Variants in CABLES2 observed in about 807,000 individuals in gnomAD.
CABLES2 encodes Cdk5 and Abl enzyme substrate 2, also known as CDK5 and ABL1 enzyme substrate 2.
CABLES2 carries 35 observed loss-of-function variants against 44.8 expected under a neutral mutation model. The observed-to-expected ratio is 0.78, with a 90% CI of 0.60 to 1.04. The LOEUF (loss-of-function observed/expected upper bound fraction) is 1.04, where lower values mean the gene tolerates loss of function less well. CABLES2 is among the 50% of genes least tolerant of loss of function. The pLI, the probability that CABLES2 is intolerant of heterozygous loss-of-function variation, is 0.00. For synonymous variants in CABLES2, 282 were observed against 281.1 expected (o/e 1.00, Z -0.03); for missense variants, 566 against 615.7 (o/e 0.92, Z 0.85).
At position 62,396,328 on chromosome 20, in the gene CABLES2, T is replaced by A; in HGVS notation, c.514A>T (p.Thr172Ser). 1 of 1,613,746 alleles carries A rather than the reference T, an allele frequency of 6.2e-7. No homozygotes were observed. The highest frequency in any genetic ancestry group is 8.5e-7 in the Non-Finnish European group (1 of 1,179,858). ...TCCGCTTCATACCTGCTGTTCCTGG[T>A]GTCGTACTGCCTCATGTTCTTGATG... ...HFIKNMRQYD[T>S]RNSRIVLICA... is the part of the protein sequence containing the mutation. The change falls in exon 3 of 10, where the codon ACC becomes TCC. Residue 172 changes from threonine to serine, a missense_variant. Thr to Ser is a moderately conservative substitution (Grantham distance 58, BLOSUM62 1). Coordinates refer to ENST00000279101, the MANE Select transcript of CABLES2 (RefSeq NM_031215.3). The surrounding 1 kb of genome is among the most constrained non-coding windows in gnomAD (Gnocchi z 5.7).
chr20:62,392,823 G>C, intron 7 of CABLES2, 97 bp downstream of exon 7: 1 of 1,095,580 alleles, frequency 9.1e-7, no homozygotes, highest in Non-Finnish European at 1.4e-6. Flanking sequence ...GGCACGTCAC[G>C]CCCCTGGGGC....
In CABLES2 at chr20:62,406,987, G is replaced by A. The variant is rs1331782257; in HGVS notation, c.290C>T (p.Thr97Ile). Residue 97 changes from threonine to isoleucine, a missense_variant, in exon 1 of 10, where the codon ACC becomes ATC. This residue lies in a region of CABLES2 where 436 missense variants were observed against 536.3 expected (regional missense o/e 0.81). Coordinates refer to ENST00000279101, the MANE Select transcript of CABLES2 (RefSeq NM_031215.3). ...GCTGAGCAGGCCCTGGGGCGCGGGG[G>A]TCCTGGCGGGCAGCCCGGTGGGGGG... ...PEPPTGLPAR[T>I]PAPQGLLSPT... 8.3e-5 allele frequency: 100 copies of A among 1,200,070 alleles called. No individual in the cohort carries two copies. Among genetic ancestry groups the A allele is most frequent in the Non-Finnish European group, 9.7e-5 (94 of 967,574 alleles). 74.3% of individuals were successfully genotyped at this position (1,200,070 alleles called of 1,614,324 possible). A position where few individuals can be genotyped will look rare whatever the true frequency, so the allele number is the denominator to read the frequency against.
Position 62,396,589 on chromosome 20 carries a change from C to T in CABLES2, c.366G>A (p.Lys122=), listed in dbSNP as rs1258781994. Residue 122 remains lysine, a synonymous_variant, in exon 2 of 10, where the codon AAG becomes AAA. Transcript: ENST00000279101. The surrounding 1 kb of genome is among the most constrained non-coding windows in gnomAD (Gnocchi z 5.7). The part of the protein sequence containing the change: ...GLGLDGQRQR[K]RVTSQRCSLE... The stretch of plus-strand genomic sequence containing the variant: ...GGGAGCAGCGCTGGGACGTGACTCG[C>T]TTCCTGCAAGATGACAATGGAGCCT... 2 of 1,611,396 alleles carry T rather than the reference C, an allele frequency of 1.2e-6. No homozygotes were observed. The highest frequency in any genetic ancestry group is 1.1e-5 in the South Asian group (1 of 90,736).
chr20:62,392,891 G>T, intron 7 of CABLES2, 29 bp downstream of exon 7: 1 of 1,593,540 alleles, frequency 6.3e-7, no homozygotes, highest in South Asian at 1.1e-5. Context: ...GCAGCTGCCT[G>T]CACCCAGGCC....
Position 62,391,341 on chromosome 20 carries a change from G to C in CABLES2, c.1204C>G (p.Gln402Glu), listed in dbSNP as rs1346027997. The change falls in exon 9 of 10, where the codon CAG (glutamine) becomes GAG (glutamate). Residue 402 changes from glutamine (Q) to glutamate (E), a missense_variant. By Grantham distance (29) the Gln-to-Glu change is conservative (BLOSUM62 2). Coordinates refer to ENST00000279101, the MANE Select transcript of CABLES2 (RefSeq NM_031215.3). This position sits in a 1 kb window ranked among gnomAD's most constrained non-coding sequence, Gnocchi z 5.7. ...KLVLQGKLSK[Q>E]NRKLCAGACV... ...GCGCCAGCGCACAGCTTGCGGTTCT[G>C]TTTGCTGAGCTTGCCCTGCAGGACC... 5 of 1,613,418 alleles carry C rather than the reference G, an allele frequency of 3.1e-6. No individual in the cohort carries two copies. Among genetic ancestry groups the C allele is most frequent in the Non-Finnish European group, 4.2e-6 (5 of 1,180,030 alleles).
intron 4 of CABLES2, 70 bp from the exon 5 acceptor site, chr20:62,394,335 G>T: frequency 7.8e-7 from 1 of 1,280,678 alleles, no homozygotes; most frequent in Non-Finnish European, 1.1e-6. Context: ...CAGCCCACCT[G>T]TCCGCTGGCC....
rs1157892653 is a variant in CABLES2 at position 62,407,257 on chromosome 20, C to CCGGCCG, written c.14_19dup (p.Ala5_Ala6dup). On this transcript the variant is annotated inframe_insertion, in exon 1 of 10. Coordinates refer to ENST00000279101, the MANE Select transcript of CABLES2 (RefSeq NM_031215.3). ...GCCGGGGGCCGGGCCCGGGGCTCCA[C>CCGGCCG]CGGCCGCGGCCGCGGCCATCCTCAG... 23 of 633,688 alleles carry CCGGCCG rather than the reference C, an allele frequency of 3.6e-5. No individual in the cohort carries two copies. The highest frequency in any genetic ancestry group is 7.9e-4 in the Middle Eastern group (1 of 1,270). The allele number at this position is 633,688 out of a possible 1,614,324, so 39.3% of individuals were successfully genotyped here.
Position 62,391,501 on chromosome 20 carries a change from TGA to T in CABLES2, c.1092-50_1092-49del. The T allele has an allele frequency of 6.3e-7, 1 of 1,590,150 alleles. No individual in the cohort carries two copies. The highest frequency in any genetic ancestry group is 1.1e-5 in the South Asian group (1 of 90,510). On this transcript the variant is annotated intron_variant, in intron 8 of 9. Coordinates refer to ENST00000279101, the MANE Select transcript of CABLES2 (RefSeq NM_031215.3). This position sits in a 1 kb window ranked among gnomAD's most constrained non-coding sequence, Gnocchi z 5.7. ...TGTCCCTGGGGGCTCTGGCTGGGGC[TGA>T]GGAGGCAGCCCCCTGCCACCACCAA...
intron 4 of CABLES2, among the ~76,000 whole-genome samples, chr20:62,394,681 AG>A (rs1328392906): frequency 1.3e-5 from 2 of 152,166 alleles, no homozygotes; most frequent in African/African-American, 4.8e-5. Context: ...CTCTGTCCAC[AG>A]GAGGTGGGAC....
intron 1 of CABLES2, 34 bp downstream of exon 1, chr20:62,406,881 C>T (rs1187778369): frequency 1.4e-5 from 16 of 1,139,412 alleles, no homozygotes; most frequent in Non-Finnish European, 1.8e-5. Flanking sequence ...CTGTACCCCG[C>T]GTCCTGGGCT....
chr20:62,407,096 G>A lies in CABLES2; in HGVS notation c.181C>T (p.Pro61Ser), dbSNP rs1988310639. 23 of 1,047,568 alleles carry A rather than the reference G, an allele frequency of 2.2e-5. No homozygotes were observed. The South Asian group carries it at 2.2e-4, about 10-fold the overall frequency. The allele number at this position is 1,047,568 out of a possible 1,614,324, so 64.9% of individuals were successfully genotyped here. A position where few individuals can be genotyped will look rare whatever the true frequency, so the allele number is the denominator to read the frequency against. ...FLNNISLDGR[P>S]PSLGPGGEKP... ...TCTCCGCCCGGGCCCAGGCTCGGGG[G>A]CCGCCCGTCCAGGGAGATGTTGTTG... The change falls in exon 1 of 10, where the codon CCC becomes TCC. Residue 61 changes from proline to serine, a missense_variant. By Grantham distance (74) the Pro-to-Ser change is moderately conservative. Around this residue, in one of 2 missense-constraint regions of CABLES2, gnomAD observed 130 missense variants for 79.4 expected, o/e 1.64. Coordinates refer to ENST00000279101, the MANE Select transcript of CABLES2 (RefSeq NM_031215.3).
chr20:62,391,480 C>T lies in CABLES2; in HGVS notation c.1092-27G>A. The T allele has an allele frequency of 6.2e-7, 1 of 1,607,194 alleles. No homozygotes were observed. The highest frequency in any genetic ancestry group is 8.5e-7 in the Non-Finnish European group (1 of 1,175,140). On this transcript the variant is annotated intron_variant, in intron 8 of 9. Coordinates refer to ENST00000279101, the MANE Select transcript of CABLES2 (RefSeq NM_031215.3). This position sits in a 1 kb window ranked among gnomAD's most constrained non-coding sequence, Gnocchi z 5.7. ...TGTGGGTTAAGACAGAAGCCATGTC[C>T]CTGGGGGCTCTGGCTGGGGCTGAGG... is the stretch of plus-strand genomic sequence containing the variant.
chr20:62,398,184 GTGA>G lies in CABLES2; in HGVS notation c.363-1595_363-1593del, dbSNP rs796314010. On this transcript the variant is annotated intron_variant, in intron 1 of 9. Transcript: ENST00000279101. ...GGTGATGGTGGTAATGGTGGTGGTG[GTGA>G]TGGTGATGATGGTGGTGATGGTGAT... Among the ~76,000 whole-genome samples the G allele has an allele frequency of 3.8e-3, 285 of 74,232 alleles. 7 individuals are homozygous for G. Among genetic ancestry groups the G allele is most frequent in the Non-Finnish European group, 5.2e-3 (174 of 33,480 alleles). 48.7% of individuals were successfully genotyped at this position (74,232 alleles called of 152,430 possible).
intron 1 of CABLES2, among the ~76,000 whole-genome samples, chr20:62,398,131 C>T (rs1292688999): frequency 1.0e-3 from 40 of 39,968 alleles, no homozygotes; most frequent in East Asian, 3.8e-3. Flanking sequence ...GTGGTTATGA[C>T]GGTGGTGATG....
intron 3 of CABLES2, among the ~76,000 whole-genome samples, chr20:62,395,957 T>C (rs956435068): frequency 6.6e-6 from 1 of 152,206 alleles, no homozygotes; most frequent in African/African-American, 2.4e-5. Flanking sequence ...CAGCCTCTCC[T>C]CCGTGCTCCC....
rs759173160 is a variant in CABLES2 at position 62,390,922 on chromosome 20, C to T, written c.*49G>A. On this transcript the variant is annotated 3_prime_UTR_variant, in exon 10 of 10. Coordinates refer to ENST00000279101, the MANE Select transcript of CABLES2 (RefSeq NM_031215.3). Reference sequence around the variant, plus strand: ...CGCGGGGCTTCAGTGGGACACCTCCCAGGCCGGCAAGTGCACCTCGGTGCC... The same window carrying T: ...CGCGGGGCTTCAGTGGGACACCTCCTAGGCCGGCAAGTGCACCTCGGTGCC... 12 of 1,603,518 alleles carry T rather than the reference C, an allele frequency of 7.5e-6. No individual in the cohort carries two copies. The highest frequency in any genetic ancestry group is 9.4e-6 in the Non-Finnish European group (11 of 1,171,746).
At position 62,407,107 on chromosome 20, in the gene CABLES2, A is replaced by G; in HGVS notation, c.170T>C (p.Leu57Pro). The stretch of plus-strand genomic sequence containing the variant: ...GCCCAGGCTCGGGGGCCGCCCGTCC[A>G]GGGAGATGTTGTTGAGGAAGAAAAG... ...AALFFLNNIS[L>P]DGRPPSLGPG... Residue 57 changes from leucine (L) to proline (P), a missense_variant, in exon 1 of 10, where the codon CTG becomes CCG. By Grantham distance (98) the Leu-to-Pro change is moderately conservative. Around this residue, in one of 2 missense-constraint regions of CABLES2, gnomAD observed 130 missense variants for 79.4 expected, o/e 1.64. Coordinates refer to ENST00000279101, the MANE Select transcript of CABLES2 (RefSeq NM_031215.3). The G allele has an allele frequency of 9.6e-7, 1 of 1,040,586 alleles. No homozygotes were observed. The highest frequency in any genetic ancestry group is 1.2e-6 in the Non-Finnish European group (1 of 865,140). The allele number at this position is 1,040,586 out of a possible 1,614,324, so 64.5% of individuals were successfully genotyped here. A position where few individuals can be genotyped will look rare whatever the true frequency, so the allele number is the denominator to read the frequency against.
chr20:62,394,989 A>G lies in CABLES2; in HGVS notation c.553T>C (p.Ser185Pro). Residue 185 changes from serine (S) to proline (P), a missense_variant, in exon 4 of 10, where the codon TCC (serine) becomes CCC (proline). This residue lies in a region of CABLES2 where 436 missense variants were observed against 536.3 expected (regional missense o/e 0.81). Coordinates refer to ENST00000279101, the MANE Select transcript of CABLES2 (RefSeq NM_031215.3). ...SRIVLICAKR[S>P]LCAAFSVLPY... The stretch of plus-strand genomic sequence containing the variant: ...AGGACCGAGAAGGCCGCGCACAGGG[A>G]CCGCTTGGCACAGATGAGCACGATC... 6.2e-7 allele frequency: 1 copy of G among 1,612,944 alleles called. No individual in the cohort carries two copies. The highest frequency in any genetic ancestry group is 8.5e-7 in the Non-Finnish European group (1 of 1,179,954).
chr20:62,393,918 C>T lies in CABLES2; in HGVS notation c.714+239G>A, dbSNP rs1987966200. On this transcript the variant is annotated intron_variant, in intron 5 of 9. Coordinates refer to ENST00000279101, the MANE Select transcript of CABLES2 (RefSeq NM_031215.3). ...CCCCACCCTGCAGCAGGGGGGTGTC[C>T]AGGAGCACCTGGCTGTGGGGCAGTG... Among the ~76,000 whole-genome samples the T allele has an allele frequency of 3.9e-5, 6 of 152,332 alleles. No individual in the cohort carries two copies. In the South Asian group the frequency reaches 1.2e-3, roughly 32 times the overall value.
Sources: allele counts gnomAD v4.1 joint callset (sites outside exome capture counted in the v4.1 genomes callset), GRCh38; gene constraint gnomAD v4.1.1; regional missense constraint gnomAD v4.1.1; non-coding constraint Gnocchi (gnomAD v3.1); transcripts MANE v1.5; gene names NCBI Gene and HGNC (gene_info 2026-07-23, HGNC 2026-07-21).